Variants in MTCH1 observed in about 807,000 individuals in gnomAD.
The protein encoded by MTCH1 is mitochondrial carrier 1.
MTCH1 carries 23 observed loss-of-function variants against 49.3 expected under a neutral mutation model. The ratio of observed to expected loss-of-function variants is 0.47; its 90% CI spans 0.34 to 0.66. The LOEUF (loss-of-function observed/expected upper bound fraction) is 0.66, where lower values mean the gene tolerates loss of function less well. Ranked by LOEUF, MTCH1 falls within the 30% of genes least tolerant of loss-of-function variation. The probability of loss-of-function intolerance (pLI) is 0.01; values close to 1 mark genes in which losing one functional copy is unlikely to be tolerated. For missense variants in MTCH1, 397 were observed against 532.1 expected, an observed-to-expected ratio of 0.75 and a Z score of 2.50; for synonymous variants, 229 against 215.2, an observed-to-expected ratio of 1.06 and a Z score of -0.56.
intron 1 of MTCH1, among the ~76,000 whole-genome samples, chr6:36,983,038 C>T (rs1417937018): frequency 6.6e-6 from 1 of 152,242 alleles, no homozygotes; most frequent in African/African-American, 2.4e-5. Flanking sequence ...TTGGGATCAA[C>T]CCTGTCCCCT....
At chr6:36,976,132 G>C (rs534228642) in intron 6 of MTCH1, among the ~76,000 whole-genome samples, 1 of 152,170 alleles carries the variant, frequency 6.6e-6, no homozygotes, top group African/African-American at 2.4e-5. Flanking sequence ...AGAGTAGGAG[G>C]GGGTAGTAAG....
At position 36,982,384 on chromosome 6, in the gene MTCH1, A is replaced by T. The variant is rs9462251; in HGVS notation, c.322-712T>A. Among the ~76,000 whole-genome samples the T allele has an allele frequency of 0.036, 5,405 of 148,372 alleles. 307 individuals are homozygous for T. The highest frequency in any genetic ancestry group is 0.12 in the African/African-American group (4,851 of 40,250). On this transcript the variant is annotated intron_variant, in intron 1 of 11. Transcript: ENST00000373627. The surrounding 1 kb of genome is among the most constrained non-coding windows in gnomAD (Gnocchi z 4.1). Reference sequence around the variant, plus strand: ...TTATATCTGAAATATTTATTTATTTATTTTTTTTTTTGAGATGGAGTTTCA... The same window carrying T: ...TTATATCTGAAATATTTATTTATTTTTTTTTTTTTTTGAGATGGAGTTTCA...
chr6:36,975,583 G>T, intron 7 of MTCH1, 75 bp downstream of exon 7: 1 of 1,440,558 alleles, frequency 6.9e-7, no homozygotes, highest in Non-Finnish European at 9.8e-7. Flanking sequence ...AGCAGCTGCG[G>T]TCTGAGAGGT....
chr6:36,971,023 A>G (rs1269904976), intron 8 of MTCH1: 3 of 395,138 alleles, frequency 7.6e-6, no homozygotes, highest in African/African-American at 6.1e-5. Flanking sequence ...GCTAAGACAG[A>G]CATGCACCCT....
intron 3 of MTCH1, 126 bp downstream of exon 3, chr6:36,978,377 TGG>T: frequency 1.0e-6 from 1 of 985,592 alleles, no homozygotes; most frequent in East Asian, 2.5e-5. Context: ...AGCTCCCCCA[TGG>T]GGCTGGAGTG....
chr6:36,969,500 A>G, intron 11 of MTCH1: 1 of 1,081,016 alleles, frequency 9.3e-7, no homozygotes, highest in East Asian at 7.6e-5. Context: ...CAAGAGCTCC[A>G]GCTACGGAGA....
chr6:36,977,642 G>T lies in MTCH1; in HGVS notation c.641C>A (p.Pro214His). The T allele has an allele frequency of 1.2e-6, 2 of 1,609,028 alleles. No homozygotes were observed. The highest frequency in any genetic ancestry group is 2.2e-5 in the East Asian group (1 of 44,712). Reference sequence around the variant, plus strand: ...GAAGGGGGGTGGCTTACCATGCAGGGGGTGGGCCAACATGCGGGACACACA... The same window carrying T: ...GAAGGGGGGTGGCTTACCATGCAGGTGGTGGGCCAACATGCGGGACACACA... ...MQCVSRMLAH[P>H]LHVISMRCMV... Residue 214 changes from proline (P) to histidine (H), a missense_variant, in exon 5 of 12, where the codon CCC (proline) becomes CAC (histidine). Physicochemically the swap from Pro to His is moderately conservative, Grantham distance 77. This residue lies in a region of MTCH1 where 252 missense variants were observed against 388.3 expected (regional missense o/e 0.65). Coordinates refer to ENST00000373627, the MANE Select transcript of MTCH1 (RefSeq NM_001271641.2). This position sits in a 1 kb window ranked among gnomAD's most constrained non-coding sequence, Gnocchi z 5.4.
chr6:36,985,942 CGTTG>C lies in MTCH1; in HGVS notation c.228_231del (p.Asp76GlufsTer16). The C allele has an allele frequency of 1.3e-6, 2 of 1,552,052 alleles. No homozygotes were observed. Among genetic ancestry groups the C allele is most frequent in the Non-Finnish European group, 1.7e-6 (2 of 1,147,996 alleles). ...ACGAAAAGAGCCTCAGTGGTCGGGG[CGTTG>C]TCCCCAGACCCCAGGCCCCCTGACC... is the stretch of plus-strand genomic sequence containing the variant. On this transcript the variant is annotated frameshift_variant, in exon 1 of 12. Transcript: ENST00000373627. LOFTEE classifies it high-confidence loss of function.
chr6:36,978,875 C>CTTTTTTTTT (rs11322816), intron 2 of MTCH1, among the ~76,000 whole-genome samples: 4 of 100,420 alleles, frequency 4.0e-5, no homozygotes, highest in South Asian at 3.6e-4. Context: ...TCCCTCCCTC[C>CTTTTTTTTT]TTTTTTTTTT....
chr6:36,984,828 C>G (rs1040029062), intron 1 of MTCH1, among the ~76,000 whole-genome samples: 2 of 152,152 alleles, frequency 1.3e-5, no homozygotes, highest in African/African-American at 4.8e-5. Flanking sequence ...GTCTCAATTT[C>G]TGGTAGTCCC....
chr6:36,986,019 C>T lies in MTCH1; in HGVS notation c.155G>A (p.Arg52His). The change falls in exon 1 of 12, where the codon CGC (arginine) becomes CAC (histidine). Residue 52 changes from arginine (R) to histidine (H), a missense_variant. Around this residue, in one of 2 missense-constraint regions of MTCH1, gnomAD observed 145 missense variants for 143.8 expected, o/e 1.01. Transcript: ENST00000373627. Reference protein sequence around the residue: ...DPPPAHRAHPRHPRPAAQPSA... With the variant: ...DPPPAHRAHPHHPRPAAQPSA... The stretch of plus-strand genomic sequence containing the variant: ...GGGCTGAGCCGCAGGCCGAGGGTGG[C>T]GAGGATGTGCGCGGTGCGCGGGCGG... The T allele has an allele frequency of 1.3e-6, 2 of 1,523,482 alleles. No homozygotes were observed. Among genetic ancestry groups the T allele is most frequent in the Non-Finnish European group, 1.8e-6 (2 of 1,138,588 alleles). 94.4% of individuals were successfully genotyped at this position (1,523,482 alleles called of 1,614,324 possible).
upstream of MTCH1, chr6:36,986,434 T>G (rs1764324415): frequency 6.4e-6 from 2 of 314,072 alleles, no homozygotes; most frequent in East Asian, 5.3e-5. Context: ...GCCGGGGCGC[T>G]CCCCCGGGAT....
Position 36,986,125 on chromosome 6 carries a change from C to T in MTCH1, c.49G>A (p.Ala17Thr), listed in dbSNP as rs1251706903. The change falls in exon 1 of 12, where the codon GCG becomes ACG. Residue 17 changes from alanine to threonine, a missense_variant. Physicochemically the swap from Ala to Thr is moderately conservative, Grantham distance 58. Around this residue, in one of 2 missense-constraint regions of MTCH1, gnomAD observed 145 missense variants for 143.8 expected, o/e 1.01. Coordinates refer to ENST00000373627, the MANE Select transcript of MTCH1 (RefSeq NM_001271641.2). Reference protein sequence around the residue: ...EVAPWARGGAAGMAGAGAGAG... With the variant: ...EVAPWARGGATGMAGAGAGAG... ...CCAGCTCCGGCTCCCGCCATCCCCGCGGCACCGCCGCGAGCCCAGGGCGCC... is the reference window on the plus strand; with the variant it reads ...CCAGCTCCGGCTCCCGCCATCCCCGTGGCACCGCCGCGAGCCCAGGGCGCC... The T allele has an allele frequency of 7.0e-7, 1 of 1,435,238 alleles. No individual in the cohort carries two copies. The allele number at this position is 1,435,238 out of a possible 1,614,324, so 88.9% of individuals were successfully genotyped here. A position where few individuals can be genotyped will look rare whatever the true frequency, so the allele number is the denominator to read the frequency against.
chr6:36,971,293 G>A (rs962160661), intron 8 of MTCH1, among the ~76,000 whole-genome samples: 9 of 152,180 alleles, frequency 5.9e-5, no homozygotes, highest in Admixed American at 2.0e-4. Flanking sequence ...TTGACAGCCC[G>A]GCAGCCTCAC....
At chr6:36,978,683 C>A in intron 2 of MTCH1, 72 bp from the exon 3 acceptor site, 1 of 1,354,428 alleles carries the variant, frequency 7.4e-7, no homozygotes. Flanking sequence ...CACACACACC[C>A]AGACCAGGCT....
chr6:36,985,338 T>A (rs1332314041), intron 1 of MTCH1, among the ~76,000 whole-genome samples: 2 of 151,542 alleles, frequency 1.3e-5, no homozygotes, highest in Non-Finnish European at 1.5e-5. Context: ...TTTAAATCCA[T>A]CTCTATCAAA....
At position 36,977,966 on chromosome 6, in the gene MTCH1, G is replaced by A; in HGVS notation, c.591+112C>T. 2 of 970,008 alleles carry A rather than the reference G, an allele frequency of 2.1e-6. No individual in the cohort carries two copies. Among genetic ancestry groups the A allele is most frequent in the Non-Finnish European group, 3.3e-6 (2 of 606,442 alleles). The allele number at this position is 970,008 out of a possible 1,614,324, so 60.1% of individuals were successfully genotyped here. ...CTTCTTCCCTTACCATCCCACCCAT[G>A]CATACACAAGGACCCAACTCTTCGA... On this transcript the variant is annotated intron_variant, in intron 4 of 11. Coordinates refer to ENST00000373627, the MANE Select transcript of MTCH1 (RefSeq NM_001271641.2). The surrounding 1 kb of genome is among the most constrained non-coding windows in gnomAD (Gnocchi z 5.4).
chr6:36,985,984 T>C lies in MTCH1; in HGVS notation c.190A>G (p.Arg64Gly), dbSNP rs1477488240. The C allele has an allele frequency of 1.0e-5, 16 of 1,546,024 alleles. No homozygotes were observed. Among genetic ancestry groups the C allele is most frequent in the Non-Finnish European group, 1.4e-5 (16 of 1,145,928 alleles). Residue 64 changes from arginine (R) to glycine (G), a missense_variant, in exon 1 of 12, where the codon AGG becomes GGG. Physicochemically the swap from Arg to Gly is moderately radical, Grantham distance 125. Transcript: ENST00000373627. ...AGGCCCCCTGACCCGCCATCCATCC[T>C]GCGGGCCGAGGGCTGAGCCGCAGGC... is the stretch of plus-strand genomic sequence containing the variant. ...PRPAAQPSAR[R>G]MDGGSGGLGS...
chr6:36,984,174 T>G (rs945366610), intron 1 of MTCH1, among the ~76,000 whole-genome samples: 2 of 145,886 alleles, frequency 1.4e-5, no homozygotes, highest in African/African-American at 5.1e-5. Context: ...CTCAGTCTCA[T>G]TCCATCAGTT....
Sources: allele counts gnomAD v4.1 joint callset (sites outside exome capture counted in the v4.1 genomes callset), GRCh38; gene constraint gnomAD v4.1.1; regional missense constraint gnomAD v4.1.1; non-coding constraint Gnocchi (gnomAD v3.1); transcripts MANE v1.5; gene names NCBI Gene and HGNC (gene_info 2026-07-23, HGNC 2026-07-21).